The following HECTD4 variants were observed in gnomAD, a reference collection of about 807,000 sequenced individuals.
HECTD4 encodes the protein HECT domain E3 ubiquitin protein ligase 4.
A neutral mutation model predicts 471.5 loss-of-function variants in HECTD4; 114 were observed. The ratio of observed to expected loss-of-function variants is 0.24; its 90% CI spans 0.21 to 0.28. The LOEUF (loss-of-function observed/expected upper bound fraction) is 0.28. Among genes scored for constraint, HECTD4 ranks in the 10% least tolerant of loss-of-function variants. The probability of loss-of-function intolerance (pLI) is 1.00; values close to 1 mark genes in which losing one functional copy is unlikely to be tolerated. For missense variants in HECTD4, 3,866 were observed against 5,651.5 expected (o/e 0.68, Z 10.13); for synonymous variants, 2,012 against 2,256.0 (o/e 0.89, Z 3.07).
intron 1 of HECTD4, among the ~76,000 whole-genome samples, chr12:112,355,654 CT>C (rs567728028): frequency 1.5e-3 from 229 of 151,902 alleles, no homozygotes; most frequent in African/African-American, 5.4e-3. Context: ...ATCCCAGCTG[CT>C]TGGGAGGCTG....
Position 112,243,290 on chromosome 12 carries a change from T to C in HECTD4, c.4958+63A>G. 1 of 1,433,086 alleles carries C rather than the reference T, an allele frequency of 7.0e-7. No homozygotes were observed. The highest frequency in any genetic ancestry group is 9.5e-7 in the Non-Finnish European group (1 of 1,048,360). The allele number at this position is 1,433,086 out of a possible 1,614,324, so 88.8% of individuals were successfully genotyped here. A position where few individuals can be genotyped will look rare whatever the true frequency, so the allele number is the denominator to read the frequency against. ...ACCGCCTATGTTTGGGTCCCAAGAA[T>C]AATCTTTTGAATGGCTCTGACCATT... On this transcript the variant is annotated intron_variant, in intron 32 of 75. Transcript: ENST00000682272. This position sits in a 1 kb window ranked among gnomAD's most constrained non-coding sequence, Gnocchi z 6.6.
intron 1 of HECTD4, among the ~76,000 whole-genome samples, chr12:112,349,105 TAA>T (rs1392915728): frequency 6.6e-5 from 10 of 151,868 alleles, no homozygotes; most frequent in Non-Finnish European, 1.3e-4. Context: ...ATATTATGCA[TAA>T]AGAGGCCAGG....
chr12:112,214,965 C>A (rs1430960097), intron 48 of HECTD4, among the ~76,000 whole-genome samples: 1 of 152,024 alleles, frequency 6.6e-6, no homozygotes, highest in Non-Finnish European at 1.5e-5. Context: ...ACCAGCCTGG[C>A]CAGCATGGTG....
chr12:112,302,351 T>G (rs2035182878), intron 7 of HECTD4: 4 of 757,700 alleles, frequency 5.3e-6, no homozygotes, highest in Non-Finnish European at 9.7e-6. Context: ...CTTCTCTTGC[T>G]TTGTCTCTGG....
intron 1 of HECTD4, among the ~76,000 whole-genome samples, chr12:112,330,399 A>C (rs1013375774): frequency 6.6e-6 from 1 of 152,238 alleles, no homozygotes; most frequent in African/African-American, 2.4e-5. Context: ...CTGCAGACTA[A>C]CTTTATCTGT....
At chr12:112,318,855 T>C (rs960655559) in intron 2 of HECTD4, among the ~76,000 whole-genome samples, 12 of 152,254 alleles carry the variant, frequency 7.9e-5, no homozygotes, top group Non-Finnish European at 1.8e-4. Context: ...AATAGCTCTA[T>C]AAAGTTTTGA....
intron 7 of HECTD4, among the ~76,000 whole-genome samples, chr12:112,292,269 G>A (rs1375095105): frequency 6.6e-6 from 1 of 152,134 alleles, no homozygotes; most frequent in East Asian, 1.9e-4. Flanking sequence ...TGTCTGTAAT[G>A]CTCTTCTGCC....
chr12:112,292,751 G>A (rs1412111295), intron 7 of HECTD4, among the ~76,000 whole-genome samples: 4 of 152,112 alleles, frequency 2.6e-5, no homozygotes, highest in African/African-American at 4.8e-5. Flanking sequence ...GGCCAGGTGC[G>A]GTGGCTCATG....
intron 52 of HECTD4, among the ~76,000 whole-genome samples, chr12:112,207,340 G>T (rs943652191): frequency 2.0e-5 from 3 of 151,894 alleles, no homozygotes; most frequent in African/African-American, 7.3e-5. Flanking sequence ...ATGGGGTTTC[G>T]CCATGTTGGC....
In HECTD4 at chr12:112,269,866, A is replaced by G. The variant is rs777569085; in HGVS notation, c.2176-17T>C. The G allele has an allele frequency of 1.2e-6, 2 of 1,609,946 alleles. No homozygotes were observed. Among genetic ancestry groups the G allele is most frequent in the South Asian group, 2.2e-5 (2 of 90,812 alleles). On this transcript the variant is annotated splice_polypyrimidine_tract_variant and intron_variant, in intron 12 of 75. Transcript: ENST00000682272. ...AAATACCACCTACAGAAACAGAAGG[A>G]GTCTATCTAAAAATGCTAATTCTAC...
intron 1 of HECTD4, among the ~76,000 whole-genome samples, chr12:112,337,711 G>C (rs2035984042): frequency 6.6e-6 from 1 of 152,124 alleles, no homozygotes; most frequent in Admixed American, 6.5e-5. Context: ...CATTACTATA[G>C]TATTCAACAC....
At chr12:112,212,135 C>T (rs965653597) in intron 49 of HECTD4, among the ~76,000 whole-genome samples, 1 of 152,212 alleles carries the variant, frequency 6.6e-6, no homozygotes, top group Non-Finnish European at 1.5e-5. Context: ...AAGTTTCTGA[C>T]ATACTGAGCA....
intron 1 of HECTD4, among the ~76,000 whole-genome samples, chr12:112,356,679 C>G (rs904741854): frequency 2.0e-5 from 3 of 152,066 alleles, no homozygotes; most frequent in African/African-American, 7.2e-5. Context: ...CTCAAGTGAT[C>G]CTCCCACCTC....
chr12:112,249,749 C>A (rs2033837149), intron 25 of HECTD4: 2 of 231,738 alleles, frequency 8.6e-6, no homozygotes, highest in Non-Finnish European at 1.7e-5. Flanking sequence ...TCTCTAGACT[C>A]TGGAAAGTAA....
chr12:112,195,069 G>C lies in HECTD4; in HGVS notation c.8568-3C>G. Reference sequence around the variant, plus strand: ...CAGCCTCGCAGCGCAGCAGCTCCCTGCAAGGGAAAAGGTGGGTGAGATACT... The same window carrying C: ...CAGCCTCGCAGCGCAGCAGCTCCCTCCAAGGGAAAAGGTGGGTGAGATACT... On this transcript the variant is annotated splice_region_variant and splice_polypyrimidine_tract_variant and intron_variant, in intron 55 of 75. Transcript: ENST00000682272. 3 of 1,589,712 alleles carry C rather than the reference G, an allele frequency of 1.9e-6. No homozygotes were observed. The highest frequency in any genetic ancestry group is 2.6e-6 in the Non-Finnish European group (3 of 1,169,074).
intron 54 of HECTD4, 97 bp downstream of exon 54, chr12:112,203,539 C>A: frequency 1.0e-6 from 1 of 1,000,302 alleles, no homozygotes. Flanking sequence ...AAGAGAAACT[C>A]ATCTGTATAA....
In HECTD4 at chr12:112,167,869, C is replaced by T; in HGVS notation, c.12257G>A (p.Ser4086Asn). ...FLWQVCKELQ[S>N]SSLSLLLLCP... ...CAGCAGCAGCAGCGACAGCGAGGAA[C>T]TCTGCAGCTCCTTACACACCTGCCA... Residue 4086 changes from serine to asparagine, a missense_variant, in exon 71 of 76, where the codon AGT (serine) becomes AAT (asparagine). By Grantham distance (46) the Ser-to-Asn change is conservative. Coordinates refer to ENST00000682272, the MANE Select transcript of HECTD4 (RefSeq NM_001388303.1). 2 of 1,613,640 alleles carry T rather than the reference C, an allele frequency of 1.2e-6. No homozygotes were observed. Among genetic ancestry groups the T allele is most frequent in the South Asian group, 1.1e-5 (1 of 91,088 alleles).
chr12:112,276,663 T>A (rs2034533613), intron 9 of HECTD4, among the ~76,000 whole-genome samples: 1 of 152,146 alleles, frequency 6.6e-6, no homozygotes, highest in African/African-American at 2.4e-5. Flanking sequence ...GCCACGATGG[T>A]CTCGATCTCT....
At chr12:112,259,017 G>T in intron 19 of HECTD4, 95 bp downstream of exon 19, 2 of 1,082,650 alleles carry the variant, frequency 1.8e-6, no homozygotes, top group Non-Finnish European at 2.6e-6. Context: ...TGAAAGGCAG[G>T]ATTATGTTTA....
Sources: allele counts gnomAD v4.1 joint callset (sites outside exome capture counted in the v4.1 genomes callset), GRCh38; gene constraint gnomAD v4.1.1; non-coding constraint Gnocchi (gnomAD v3.1); transcripts MANE v1.5; gene names NCBI Gene and HGNC (gene_info 2026-07-23, HGNC 2026-07-21).